SQLE: variants seen among roughly 807,000 people sequenced by gnomAD.
The protein encoded by SQLE is squalene monooxygenase.
Under a neutral mutation model 60.7 loss-of-function variants are expected in SQLE, and 29 were observed. The observed-to-expected ratio is 0.48, with a 90% CI of 0.36 to 0.65. The LOEUF is 0.65. SQLE is among the 30% of genes least tolerant of loss of function. The pLI is 0.00. For synonymous variants in SQLE, 237 were observed against 246.8 expected, an observed-to-expected ratio of 0.96 and a Z score of 0.37; for missense variants, 605 against 684.1, an observed-to-expected ratio of 0.88 and a Z score of 1.29.
chr8:124,999,998 T>C (rs1357853969), intron 1 of SQLE: 5 of 552,420 alleles, frequency 9.1e-6, no homozygotes, highest in South Asian at 7.6e-5. Context: ...CCACTTTCCA[T>C]GATGAAAAAG....
chr8:125,020,434 G>A (rs1485573418), intron 9 of SQLE, among the ~76,000 whole-genome samples: 1 of 152,186 alleles, frequency 6.6e-6, no homozygotes, highest in Non-Finnish European at 1.5e-5. Flanking sequence ...GGACATCTTA[G>A]AGACTGGGAA....
intron 1 of SQLE, 125 bp downstream of exon 1, chr8:124,999,819 A>G: frequency 1.7e-6 from 2 of 1,192,230 alleles, no homozygotes; most frequent in Non-Finnish European, 2.3e-6. Context: ...ATTCTCATGT[A>G]TTTTTTATTT....
At chr8:125,018,232 C>T in intron 8 of SQLE, 31 bp downstream of exon 8, 1 of 1,607,712 alleles carries the variant, frequency 6.2e-7, no homozygotes, top group Non-Finnish European at 8.5e-7. Flanking sequence ...AAAAATGTCT[C>T]AAAATGGATT....
At chr8:125,011,118 C>A (rs1563598294) in intron 6 of SQLE, 1 of 153,008 alleles carries the variant, frequency 6.5e-6, no homozygotes, top group Non-Finnish European at 1.5e-5. Context: ...AGTGTACATA[C>A]CCTCCTGCTG....
chr8:125,021,004 TG>T, intron 10 of SQLE, 133 bp downstream of exon 10: 1 of 652,868 alleles, frequency 1.5e-6, no homozygotes, highest in East Asian at 2.9e-5. Flanking sequence ...AATGAGAAGG[TG>T]GCCCAAAGAA....
chr8:125,005,517 C>G lies in SQLE; in HGVS notation c.545-8C>G, dbSNP rs980856420. The G allele has an allele frequency of 1.3e-6, 2 of 1,570,840 alleles. No homozygotes were observed. The highest frequency in any genetic ancestry group is 2.7e-5 in the African/African-American group (2 of 73,594). ...GAATTGATTGTTTTGAACTCGATTG[C>G]TTTGCAGATACAGTGGAAGGTCTTG... On this transcript the variant is annotated splice_polypyrimidine_tract_variant and splice_region_variant and intron_variant, in intron 2 of 10. Coordinates refer to ENST00000265896, the MANE Select transcript of SQLE (RefSeq NM_003129.4).
At position 125,021,528 on chromosome 8, in the gene SQLE, TA is replaced by T. The variant is rs3215422; in HGVS notation, c.1533-212del. Among the ~76,000 whole-genome samples the T allele has an allele frequency of 2.1e-3, 179 of 85,830 alleles. 2 individuals carry two copies. The highest frequency in any genetic ancestry group is 5.6e-3 in the African/African-American group (98 of 17,424). The allele number at this position is 85,830 out of a possible 152,430, so 56.3% of individuals were successfully genotyped here. A position where few individuals can be genotyped will look rare whatever the true frequency, so the allele number is the denominator to read the frequency against. On this transcript the variant is annotated intron_variant, in intron 10 of 10. Coordinates refer to ENST00000265896, the MANE Select transcript of SQLE (RefSeq NM_003129.4). Reference sequence around the variant, plus strand: ...GGGATATATTCTAAGTATTTTTTCTTAAAAAAAAAAAAAGGGGGGTGGGGGG... The same window carrying T: ...GGGATATATTCTAAGTATTTTTTCTTAAAAAAAAAAAAGGGGGGTGGGGGG...
intron 2 of SQLE, among the ~76,000 whole-genome samples, chr8:125,004,638 A>G (rs1258853646): frequency 1.3e-5 from 2 of 151,946 alleles, no homozygotes; most frequent in Admixed American, 6.5e-5. Context: ...AATCATCCAT[A>G]CATGTTTTTG....
At position 125,003,228 on chromosome 8, in the gene SQLE, G is replaced by C. The variant is rs768642376; in HGVS notation, c.344G>C (p.Cys115Ser). The change falls in exon 2 of 11, where the codon TGT becomes TCT. Residue 115 changes from cysteine to serine, a missense_variant. Cys to Ser is a moderately radical substitution (Grantham distance 112, BLOSUM62 -1). Transcript: ENST00000265896. ...SETSLIGTAACTSTSSQNDPE... is the reference protein window; with the variant it reads ...SETSLIGTAASTSTSSQNDPE... ...ACAAGCTTAATAGGAACAGCTGCCT[G>C]TACATCAACATCTTCTCAGAATGAC... is the stretch of plus-strand genomic sequence containing the variant. 5.6e-6 allele frequency: 9 copies of C among 1,613,724 alleles called. No individual in the cohort carries two copies. The Admixed American group carries it at 1.3e-4, about 24-fold the overall frequency.
At position 125,003,944 on chromosome 8, in the gene SQLE, CCT is replaced by C. The variant is rs890380645; in HGVS notation, c.544+517_544+518del. Among the ~76,000 whole-genome samples, 27 of 152,004 alleles carry C rather than the reference CCT, an allele frequency of 1.8e-4. No individual in the cohort carries two copies. In the East Asian group the frequency reaches 3.5e-3, roughly 20 times the overall value. The stretch of plus-strand genomic sequence containing the variant: ...AGAGACACAAAGAAGCAAGCCCTCC[CCT>C]GTCTTTTTTTCCAAGGGCACTAATC... On this transcript the variant is annotated intron_variant, in intron 2 of 10. Transcript: ENST00000265896.
chr8:125,013,357 T>TTTTTC (rs1491275210), intron 7 of SQLE, among the ~76,000 whole-genome samples: 2 of 65,670 alleles, frequency 3.0e-5, no homozygotes, highest in African/African-American at 2.5e-4. Flanking sequence ...TTTCTTTTTC[T>TTTTTC]TTTTTTTTTT....
In SQLE at chr8:124,999,656, C is replaced by T. The variant is rs1373056716; in HGVS notation, c.253C>T (p.Pro85Ser). 6.2e-7 allele frequency: 1 copy of T among 1,608,282 alleles called. No homozygotes were observed. The highest frequency in any genetic ancestry group is 8.5e-7 in the Non-Finnish European group (1 of 1,177,126). ...FIGFFWAKSP[P>S]ESENKEQLEA... ...TGGCTTCTTCTGGGCCAAATCCCCCCCTGAATCAGAAAATAAGGAGCAGCT... is the reference window on the plus strand; with the variant it reads ...TGGCTTCTTCTGGGCCAAATCCCCCTCTGAATCAGAAAATAAGGAGCAGCT... Residue 85 changes from proline (P) to serine (S), a missense_variant, in exon 1 of 11, where the codon CCT becomes TCT. Pro to Ser is a moderately conservative substitution (Grantham distance 74, BLOSUM62 -1). Coordinates refer to ENST00000265896, the MANE Select transcript of SQLE (RefSeq NM_003129.4).
At chr8:125,018,598 TA>T in intron 8 of SQLE, 32 bp from the exon 9 acceptor site, 1 of 1,437,954 alleles carries the variant, frequency 7.0e-7, no homozygotes. Flanking sequence ...TTTTTATCCT[TA>T]CCATATAATA....
At chr8:125,012,683 A>G (rs1815055156) in intron 7 of SQLE, among the ~76,000 whole-genome samples, 1 of 151,980 alleles carries the variant, frequency 6.6e-6, no homozygotes, top group Non-Finnish European at 1.5e-5. Context: ...GGTTGTTTCT[A>G]CTTTTTGGTT....
intron 2 of SQLE, among the ~76,000 whole-genome samples, chr8:125,003,779 T>C (rs13265195): frequency 6.6e-6 from 1 of 151,850 alleles, no homozygotes; most frequent in Non-Finnish European, 1.5e-5. Context: ...GTGTTATTAC[T>C]TAGAATCTTT....
intron 10 of SQLE, 193 bp downstream of exon 10, chr8:125,021,064 T>G (rs1413054434): frequency 2.0e-6 from 1 of 506,926 alleles, no homozygotes; most frequent in Non-Finnish European, 3.6e-6. Flanking sequence ...GGAACAGCAG[T>G]TAAAGGTGGT....
In SQLE at chr8:124,998,530, TG is replaced by T. The variant is rs1814781649; in HGVS notation, c.-869del. 1.5e-6 allele frequency: 1 copy of T among 661,690 alleles called. No homozygotes were observed. The highest frequency in any genetic ancestry group is 1.9e-5 in the African/African-American group (1 of 53,584). 41.0% of individuals were successfully genotyped at this position (661,690 alleles called of 1,614,324 possible). On this transcript the variant is annotated 5_prime_UTR_variant, in exon 1 of 11. Transcript: ENST00000265896. Reference sequence around the variant, plus strand: ...GAGACGCGTGGAGCCTGGCGGCGAGTGGGGGCGTGCGACGGTTACTCTGGTT... The same window carrying T: ...GAGACGCGTGGAGCCTGGCGGCGAGTGGGGCGTGCGACGGTTACTCTGGTT...
intron 2 of SQLE, among the ~76,000 whole-genome samples, chr8:125,004,086 C>A (rs534166493): frequency 6.6e-6 from 1 of 152,238 alleles, no homozygotes; most frequent in Non-Finnish European, 1.5e-5. Context: ...ACACAGACAT[C>A]CAGTCAATAC....
In SQLE at chr8:125,016,442, CTTGA is replaced by C. The variant is rs1327651272; in HGVS notation, c.1205-1614_1205-1611del. 6.6e-6 allele frequency among the ~76,000 whole-genome samples: 1 copy of C among 151,954 alleles called. No individual in the cohort carries two copies. Among genetic ancestry groups the C allele is most frequent in the Non-Finnish European group, 1.5e-5 (1 of 67,994 alleles). ...GAATTTTTTATCTCCAGAATTTCTGCTTGATTCTTTTAAATTATTTCAGTTGTTT... is the reference window on the plus strand; with the variant it reads ...GAATTTTTTATCTCCAGAATTTCTGCTTCTTTTAAATTATTTCAGTTGTTT... On this transcript the variant is annotated intron_variant, in intron 7 of 10. Transcript: ENST00000265896. This position sits in a 1 kb window ranked among gnomAD's most constrained non-coding sequence, Gnocchi z 4.1.
Sources: allele counts gnomAD v4.1 joint callset (sites outside exome capture counted in the v4.1 genomes callset), GRCh38; gene constraint gnomAD v4.1.1; non-coding constraint Gnocchi (gnomAD v3.1); transcripts MANE v1.5; gene names NCBI Gene and HGNC (gene_info 2026-07-23, HGNC 2026-07-21).